The following DNAH12 variants were observed in gnomAD, a reference collection of about 807,000 sequenced individuals.
DNAH12 encodes axonemal beta dynein heavy chain 12.
In DNAH12, 285 loss-of-function variants were observed where a neutral mutation model predicts 371.5. The observed-to-expected ratio is 0.77, with a 90% confidence interval of 0.70 to 0.85. The LOEUF is 0.85. Ranked by LOEUF, DNAH12 falls within the 40% of genes least tolerant of loss-of-function variation. The pLI, the probability that DNAH12 is intolerant of heterozygous loss-of-function variation, is 0.00. For synonymous variants in DNAH12, 1,200 were observed against 1,213.0 expected, an observed-to-expected ratio of 0.99 and a Z score of 0.22; for missense variants, 3,611 against 3,689.4, an observed-to-expected ratio of 0.98 and a Z score of 0.55.
chr3:57,317,994 C>A (rs1233269628), intron 65 of DNAH12, among the ~76,000 whole-genome samples: 1 of 152,026 alleles, frequency 6.6e-6, no homozygotes, highest in Non-Finnish European at 1.5e-5. Flanking sequence ...AAACCTTTAG[C>A]CCATTTTTAA....
chr3:57,522,148 TG>T (rs2068471695), intron 4 of DNAH12, among the ~76,000 whole-genome samples: 1 of 151,774 alleles, frequency 6.6e-6, no homozygotes, highest in Non-Finnish European at 1.5e-5. Flanking sequence ...CACTAGAACT[TG>T]GGAGATGGAG....
At chr3:57,364,791 T>TA (rs1446159249) in intron 57 of DNAH12, among the ~76,000 whole-genome samples, 1 of 151,908 alleles carries the variant, frequency 6.6e-6, no homozygotes, top group African/African-American at 2.4e-5. Flanking sequence ...ACAACCCCAT[T>TA]AAAAAATGGG....
Position 57,323,460 on chromosome 3 carries a change from T to A in DNAH12, c.10129+9A>T. On this transcript the variant is annotated intron_variant, in intron 63 of 73. Transcript: ENST00000495027. The stretch of plus-strand genomic sequence containing the variant: ...TGATTTCTTAAAAGTTTACAGTATA[T>A]GCACTTACTGGCCATAGGATCTGCT... The A allele has an allele frequency of 6.5e-7, 1 of 1,539,242 alleles. No individual in the cohort carries two copies. Among genetic ancestry groups the A allele is most frequent in the Non-Finnish European group, 8.7e-7 (1 of 1,143,286 alleles).
chr3:57,404,223 C>T (rs2063955684), intron 42 of DNAH12, among the ~76,000 whole-genome samples: 2 of 151,906 alleles, frequency 1.3e-5, no homozygotes, highest in South Asian at 4.1e-4. Context: ...AGAAGAATGA[C>T]TGCATTGTGG....
chr3:57,370,478 C>A (rs1293803664), intron 55 of DNAH12, among the ~76,000 whole-genome samples: 1 of 152,126 alleles, frequency 6.6e-6, no homozygotes, highest in African/African-American at 2.4e-5. Flanking sequence ...GAAGCTTGAA[C>A]CCAAATGTCC....
At chr3:57,328,256 C>G (rs994043500) in intron 62 of DNAH12, among the ~76,000 whole-genome samples, 6 of 151,246 alleles carry the variant, frequency 4.0e-5, no homozygotes, top group African/African-American at 1.5e-4. Flanking sequence ...GAGACACAAC[C>G]AAAAAAGAGA....
chr3:57,319,922 G>C (rs975040952), intron 65 of DNAH12, among the ~76,000 whole-genome samples: 5 of 151,974 alleles, frequency 3.3e-5, no homozygotes, highest in Non-Finnish European at 7.4e-5. Context: ...AATTTTGTTG[G>C]ATGCTTTTTC....
chr3:57,418,155 T>C (rs2064439989), intron 37 of DNAH12, among the ~76,000 whole-genome samples: 1 of 118,038 alleles, frequency 8.5e-6, no homozygotes, highest in African/African-American at 3.8e-5. Context: ...AAGCGACTTG[T>C]CTGAAATAAA....
At position 57,445,347 on chromosome 3, in the gene DNAH12, CG is replaced by C. The variant is rs1228221410; in HGVS notation, c.4251del (p.Tyr1417Ter). The stretch of plus-strand genomic sequence containing the variant: ...GACAGAGGTCTTGCATTCAAAAATC[CG>C]TAAGAGTAGAGGGAGATTTCTGCTA... ...ALIAEISLYS[Y>X]GFLNARPLSV... On this transcript the variant is annotated frameshift_variant, in exon 28 of 74. Transcript: ENST00000495027. LOFTEE classifies it high-confidence loss of function. 1 of 1,551,398 alleles carries C rather than the reference CG, an allele frequency of 6.4e-7. No homozygotes were observed. The highest frequency in any genetic ancestry group is 1.4e-5 in the African/African-American group (1 of 72,994).
chr3:57,299,524 G>C (rs1330026265), intron 70 of DNAH12, among the ~76,000 whole-genome samples: 1 of 151,942 alleles, frequency 6.6e-6, no homozygotes, highest in Non-Finnish European at 1.5e-5. Context: ...GGCACAGGAA[G>C]GAGAGAATGT....
intron 4 of DNAH12, among the ~76,000 whole-genome samples, chr3:57,521,794 G>C (rs894144297): frequency 2.0e-5 from 3 of 152,166 alleles, no homozygotes; most frequent in African/African-American, 4.8e-5. Flanking sequence ...GGCTGAGGCA[G>C]AAGAATCGCT....
chr3:57,539,447 T>A (rs2069180569), intron 2 of DNAH12, among the ~76,000 whole-genome samples: 1 of 152,174 alleles, frequency 6.6e-6, no homozygotes, highest in Admixed American at 6.5e-5. Context: ...TTTCAGGGAT[T>A]TCATGCTTGC....
chr3:57,470,313 G>T (rs1575646224), intron 16 of DNAH12, 130 bp downstream of exon 16: 3 of 888,104 alleles, frequency 3.4e-6, no homozygotes, highest in African/African-American at 3.4e-5. Flanking sequence ...CTCCTACATG[G>T]TACCTGGTTC....
At chr3:57,425,370 C>T (rs2064733480) in intron 34 of DNAH12, among the ~76,000 whole-genome samples, 1 of 151,870 alleles carries the variant, frequency 6.6e-6, no homozygotes, top group African/African-American at 2.4e-5. Context: ...ACCTCAGCCT[C>T]TCAAGTAGTT....
chr3:57,517,296 G>A (rs1030603913), intron 4 of DNAH12, among the ~76,000 whole-genome samples: 1 of 151,878 alleles, frequency 6.6e-6, no homozygotes, highest in African/African-American at 2.4e-5. Flanking sequence ...CCTCATTAAA[G>A]TATAAGCTTC....
chr3:57,533,154 A>G (rs548140109), intron 2 of DNAH12, among the ~76,000 whole-genome samples: 2 of 152,218 alleles, frequency 1.3e-5, no homozygotes, highest in South Asian at 4.2e-4. Context: ...GCTACTCCCA[A>G]TGTTCACTTA....
chr3:57,334,807 C>G lies in DNAH12; in HGVS notation c.9808G>C (p.Glu3270Gln), dbSNP rs1207880715. The change falls in exon 61 of 74, where the codon GAA becomes CAA. Residue 3270 changes from glutamate to glutamine, a missense_variant. Around this residue, in one of 3 missense-constraint regions of DNAH12, gnomAD observed 2,266 missense variants for 2,236.9 expected, o/e 1.01. Coordinates refer to ENST00000495027, the MANE Select transcript of DNAH12 (RefSeq NM_001366028.2). ...KSWEEICRAS[E>Q]FPAFRGLRQH... ...CTGAGTCCTCTGAAGGCAGGAAATT[C>G]ACTTGCCCGACAGATTTCCTCCCAG... 7 of 1,551,486 alleles carry G rather than the reference C, an allele frequency of 4.5e-6. No individual in the cohort carries two copies. Among genetic ancestry groups the G allele is most frequent in the Admixed American group, 2.0e-5 (1 of 50,888 alleles).
chr3:57,440,511 C>T (rs1321474189), intron 29 of DNAH12, among the ~76,000 whole-genome samples: 6 of 152,110 alleles, frequency 3.9e-5, no homozygotes, highest in African/African-American at 1.4e-4. Flanking sequence ...ACAACAGACA[C>T]TGGGGACTAC....
At chr3:57,397,994 T>G (rs2063780389) in intron 43 of DNAH12, among the ~76,000 whole-genome samples, 1 of 151,866 alleles carries the variant, frequency 6.6e-6, no homozygotes. Flanking sequence ...AGCAAAAAAT[T>G]TAAAATAACT....
Sources: gnomAD v4.1 joint callset for allele counts (sites outside exome capture counted in the v4.1 genomes callset) on GRCh38, gnomAD v4.1.1 for gene constraint, gnomAD v4.1.1 regional missense constraint, MANE v1.5 for transcripts, NCBI Gene and HGNC (gene_info 2026-07-23, HGNC 2026-07-21) for gene names.